The following ZNF71 variants were observed in gnomAD, a reference collection of about 807,000 sequenced individuals.
ZNF71 encodes endothelial zinc finger protein induced by tumor necrosis factor alpha.
Under a neutral mutation model 6.7 loss-of-function variants are expected in ZNF71, and 3 were observed. The ratio of observed to expected loss-of-function variants is 0.45; its 90% confidence interval spans 0.20 to 1.16. The LOEUF (loss-of-function observed/expected upper bound fraction) is 1.16. Ranked by LOEUF, ZNF71 falls within the 50% of genes most tolerant of loss-of-function variation. The pLI, the probability that ZNF71 is intolerant of heterozygous loss-of-function variation, is 0.25. For missense variants in ZNF71, 688 were observed against 728.6 expected (o/e 0.94, Z 0.64); for synonymous variants, 343 against 311.1 (o/e 1.10, Z -1.08).
chr19:56,612,734 C>A (rs2044761386), intron 2 of ZNF71, among the ~76,000 whole-genome samples: 1 of 152,164 alleles, frequency 6.6e-6, no homozygotes, highest in African/African-American at 2.4e-5. Context: ...CTGTACATTT[C>A]ATCCCTGTAA....
At chr19:56,606,836 A>G (rs1182564804) in intron 2 of ZNF71, among the ~76,000 whole-genome samples, 2 of 152,036 alleles carry the variant, frequency 1.3e-5, no homozygotes, top group African/African-American at 4.8e-5. Context: ...TCTGTGATCT[A>G]GCCTGAGAGT....
At chr19:56,616,542 AAGG>A (rs2044792685) in intron 3 of ZNF71, among the ~76,000 whole-genome samples, 1 of 152,234 alleles carries the variant, frequency 6.6e-6, no homozygotes, top group African/African-American at 2.4e-5. Context: ...TTGGTAGGAA[AAGG>A]CACTGTTCCC....
chr19:56,610,337 T>C (rs895475274), intron 2 of ZNF71: 1 of 152,264 alleles, frequency 6.6e-6, no homozygotes, highest in African/African-American at 2.4e-5. Context: ...CCCTTTATTA[T>C]TTCCTCTTAT....
chr19:56,609,235 C>T (rs1452885192), intron 2 of ZNF71, among the ~76,000 whole-genome samples: 1 of 152,202 alleles, frequency 6.6e-6, no homozygotes, highest in African/African-American at 2.4e-5. Context: ...CCTGAAACTA[C>T]TGGCATCACC....
rs1226330911 is a variant in ZNF71 at position 56,600,117 on chromosome 19, G to C, written c.-52-1390G>C. 2.5e-5 allele frequency among the ~76,000 whole-genome samples: 3 copies of C among 121,658 alleles called. No homozygotes were observed. In the East Asian group the frequency reaches 7.6e-4, roughly 31 times the overall value. The allele number at this position is 121,658 out of a possible 152,430, so 79.8% of individuals were successfully genotyped here. Reference sequence around the variant, plus strand: ...GTTTGTTTTTTTTTTTTTTTTTTGAGATGGAGTCTCGCTCTGTTGCCAGGC... The same window carrying C: ...GTTTGTTTTTTTTTTTTTTTTTTGACATGGAGTCTCGCTCTGTTGCCAGGC... On this transcript the variant is annotated intron_variant, in intron 1 of 3. Transcript: ENST00000599599.
intron 2 of ZNF71, among the ~76,000 whole-genome samples, chr19:56,609,001 A>G (rs887955): frequency 0.79 from 119,916 of 152,182 alleles, 48,148 homozygotes; most frequent in East Asian, 1. Flanking sequence ...TTGTCCAAAG[A>G]CTTGCCCATA....
At chr19:56,616,923 A>G (rs2044797157) in intron 3 of ZNF71, among the ~76,000 whole-genome samples, 1 of 152,198 alleles carries the variant, frequency 6.6e-6, no homozygotes, top group Non-Finnish European at 1.5e-5. Context: ...CAATGTCTTC[A>G]CAACCATTGT....
At chr19:56,605,057 G>A (rs778715371) in intron 2 of ZNF71, among the ~76,000 whole-genome samples, 3 of 152,200 alleles carry the variant, frequency 2.0e-5, no homozygotes, top group Non-Finnish European at 4.4e-5. Context: ...TGTTTAAAGA[G>A]AAACTAGAAA....
In ZNF71 at chr19:56,621,353, G is replaced by C. The variant is rs773637297; in HGVS notation, c.246G>C (p.Thr82=). Residue 82 remains threonine (T), a synonymous_variant, in exon 4 of 4, where the codon ACG becomes ACC. Coordinates refer to ENST00000599599, the MANE Select transcript of ZNF71 (RefSeq NM_001370215.1). ...AGCTCTCCGTTGTTGGGGAGGCCAC[G>C]GGGGGACCCACGAGGAATGGTGCCA... ...EDKLSVVGEA[T]GGPTRNGARG... is the part of the protein sequence containing the mutation. 2 of 1,571,656 alleles carry C rather than the reference G, an allele frequency of 1.3e-6. No homozygotes were observed. The highest frequency in any genetic ancestry group is 1.2e-5 in the South Asian group (1 of 84,388).
At position 56,622,682 on chromosome 19, in the gene ZNF71, C is replaced by G. The variant is rs1363525667; in HGVS notation, c.1575C>G (p.Pro525=). Residue 525 remains proline (P), a synonymous_variant, in exon 4 of 4, where the codon CCC becomes CCG. Transcript: ENST00000599599. ...AGCGGATCCACACGGGCGAGAAGCC[C>G]TACCGATGCGGCGAGTGCGGGAAGA... ...VHQRIHTGEK[P]YRCGECGKTF... The G allele has an allele frequency of 6.2e-7, 1 of 1,614,016 alleles. No individual in the cohort carries two copies. Among genetic ancestry groups the G allele is most frequent in the Non-Finnish European group, 8.5e-7 (1 of 1,179,902 alleles).
intron 2 of ZNF71, among the ~76,000 whole-genome samples, chr19:56,607,195 G>A (rs1249113044): frequency 1.3e-5 from 2 of 152,154 alleles, no homozygotes; most frequent in Non-Finnish European, 2.9e-5. Flanking sequence ...TTCATTGATG[G>A]TTCTTGGAAA....
intron 2 of ZNF71, chr19:56,610,080 C>T (rs1200334783): frequency 6.6e-6 from 1 of 152,228 alleles, no homozygotes; most frequent in East Asian, 1.9e-4. Flanking sequence ...TTGCGAGTAA[C>T]ATTGCTATGA....
At position 56,613,485 on chromosome 19, in the gene ZNF71, T is replaced by C. The variant is rs1460446215; in HGVS notation, c.34-327T>C. ...TGTGCCCCTGGATTCCATCTGGGGC[T>C]CTGCCTCTGCTGTGCTCCTAATGCA... is the stretch of plus-strand genomic sequence containing the variant. On this transcript the variant is annotated intron_variant, in intron 2 of 3. Coordinates refer to ENST00000599599, the MANE Select transcript of ZNF71 (RefSeq NM_001370215.1). This position sits in a 1 kb window ranked among gnomAD's most constrained non-coding sequence, Gnocchi z 4.6. 6.6e-6 allele frequency among the ~76,000 whole-genome samples: 1 copy of C among 152,254 alleles called. No homozygotes were observed. Among genetic ancestry groups the C allele is most frequent in the African/African-American group, 2.4e-5 (1 of 41,472 alleles).
rs531649116 is a variant in ZNF71 at position 56,622,418 on chromosome 19, C to T, written c.1311C>T (p.Thr437=). ...TCACGCAGCACCAGCGCATCCACAC[C>T]GGCGAGAAGCCCTACGAGTGCTACA... is the stretch of plus-strand genomic sequence containing the variant. ...SSLTQHQRIH[T]GEKPYECYIC... Residue 437 remains threonine (T), a synonymous_variant, in exon 4 of 4, where the codon ACC becomes ACT. Transcript: ENST00000599599. 1.9e-6 allele frequency: 3 copies of T among 1,613,230 alleles called. No individual in the cohort carries two copies. The highest frequency in any genetic ancestry group is 2.5e-6 in the Non-Finnish European group (3 of 1,179,794).
chr19:56,606,715 C>T (rs1336602731), intron 2 of ZNF71, among the ~76,000 whole-genome samples: 1 of 151,984 alleles, frequency 6.6e-6, no homozygotes, highest in Non-Finnish European at 1.5e-5. Context: ...GCTGCTTGGG[C>T]TTCCTCACAG....
intron 2 of ZNF71, among the ~76,000 whole-genome samples, chr19:56,611,403 G>A (rs2044750914): frequency 6.6e-6 from 1 of 152,192 alleles, no homozygotes; most frequent in Admixed American, 6.5e-5. Context: ...CGCAGTAGCT[G>A]TGTGCTTTGG....
intron 3 of ZNF71, among the ~76,000 whole-genome samples, chr19:56,616,602 T>G (rs150456639): frequency 8.0e-4 from 122 of 152,362 alleles, no homozygotes; most frequent in African/African-American, 2.7e-3. Flanking sequence ...TTTCAGATGT[T>G]TTTTTCCTGT....
intron 2 of ZNF71, among the ~76,000 whole-genome samples, chr19:56,612,882 T>C (rs1216233437): frequency 6.6e-6 from 1 of 152,174 alleles, no homozygotes; most frequent in African/African-American, 2.4e-5. Flanking sequence ...TTAACTGATT[T>C]CATCTGCAGC....
chr19:56,602,787 G>C (rs2044680921), intron 2 of ZNF71, among the ~76,000 whole-genome samples: 2 of 152,076 alleles, frequency 1.3e-5, no homozygotes, highest in Non-Finnish European at 2.9e-5. Context: ...TTTGCTTTTT[G>C]TTTCTTTATT....
Sources: gnomAD v4.1 joint callset for allele counts (sites outside exome capture counted in the v4.1 genomes callset) on GRCh38, gnomAD v4.1.1 for gene constraint, Gnocchi (gnomAD v3.1) non-coding constraint, MANE v1.5 for transcripts, NCBI Gene and HGNC (gene_info 2026-07-23, HGNC 2026-07-21) for gene names.